Variants in DRC9 observed in about 807,000 individuals in gnomAD.
The protein encoded by DRC9 is dynein regulatory complex protein 9.
the DRC9 span, among the ~76,000 whole-genome samples, chr3:197,893,380 A>AAAG: frequency 1.3e-5 from 2 of 150,360 alleles, no homozygotes; most frequent in East Asian, 3.9e-4. Flanking sequence ...AAAAAAAAAA[A>AAAG]TAGGGGGAGG....
the DRC9 span, among the ~76,000 whole-genome samples, chr3:197,903,376 G>A: frequency 1.3e-5 from 2 of 152,296 alleles, no homozygotes; most frequent in East Asian, 3.9e-4. Context: ...GCCAGGTGTG[G>A]TGGCTCACAC....
At chr3:197,955,611 ACTG>A in the DRC9 span, 1 of 770,514 alleles carries the variant, frequency 1.3e-6, no homozygotes, top group South Asian at 1.4e-5. Flanking sequence ...TCACGTAGAG[ACTG>A]AAGGCTATAA....
chr3:197,904,110 A>ATATATTT, the DRC9 span, among the ~76,000 whole-genome samples: 206 of 80,740 alleles, frequency 2.6e-3, 7 homozygotes, highest in East Asian at 0.011. Context: ...ATATATATAT[A>ATATATTT]TTTTTTTTTT....
chr3:197,899,744 C>T, the DRC9 span, among the ~76,000 whole-genome samples: 479 of 152,066 alleles, frequency 3.1e-3, 3 homozygotes, highest in African/African-American at 9.9e-3. Flanking sequence ...CTGATAGTTC[C>T]CCCCACCACC....
the DRC9 span, chr3:197,954,520 G>GT: frequency 6.0e-4 from 200 of 331,446 alleles, no homozygotes; most frequent in Non-Finnish European, 9.9e-4. Flanking sequence ...TTTTTGTTGT[G>GT]TTTTTTTGAG....
At chr3:197,916,897 T>A in the DRC9 span, among the ~76,000 whole-genome samples, 135 of 146,962 alleles carry the variant, frequency 9.2e-4, no homozygotes, top group African/African-American at 3.3e-3. Flanking sequence ...AAAAAAAAAA[T>A]CACACAAAAA....
chr3:197,944,149 T>C, the DRC9 span: 1 of 1,071,362 alleles, frequency 9.3e-7, no homozygotes, highest in Admixed American at 2.2e-5. Flanking sequence ...TCCTGTGATA[T>C]TCACATCGTC....
At chr3:197,918,974 A>G in the DRC9 span, among the ~76,000 whole-genome samples, 2 of 152,090 alleles carry the variant, frequency 1.3e-5, no homozygotes, top group South Asian at 2.1e-4. Flanking sequence ...ACGCTGGGCT[A>G]ATTTTGTATT....
chr3:197,937,843 T>C, the DRC9 span, among the ~76,000 whole-genome samples: 1 of 152,094 alleles, frequency 6.6e-6, no homozygotes, highest in Non-Finnish European at 1.5e-5. Context: ...AGAGGCTCAC[T>C]GGAAGCCAGA....
At chr3:197,933,975 TAAA>T in the DRC9 span, among the ~76,000 whole-genome samples, 4 of 109,506 alleles carry the variant, frequency 3.7e-5, no homozygotes, top group Non-Finnish European at 3.8e-5. Context: ...CTCACCCAGC[TAAA>T]AAAAAAAAAA....
the DRC9 span, among the ~76,000 whole-genome samples, chr3:197,905,934 C>T: frequency 6.6e-6 from 1 of 151,508 alleles, no homozygotes; most frequent in Non-Finnish European, 1.5e-5. Flanking sequence ...AGAAGAAAAA[C>T]TTTTAACAAG....
the DRC9 span, chr3:197,912,977 AAC>A: frequency 1.4e-4 from 71 of 510,342 alleles, no homozygotes; most frequent in East Asian, 1.7e-3. Context: ...CCGTGAGCTG[AAC>A]AGAGGTGCCC....
chr3:197,890,404 CA>C, the DRC9 span, among the ~76,000 whole-genome samples: 340 of 123,808 alleles, frequency 2.7e-3, no homozygotes, highest in Middle Eastern at 4.5e-3. Flanking sequence ...GATGCTGTCT[CA>C]AAAAAAAAAA....
chr3:197,919,508 T>C, the DRC9 span, among the ~76,000 whole-genome samples: 24,593 of 152,174 alleles, frequency 0.16, 3,505 homozygotes, highest in African/African-American at 0.39. Flanking sequence ...GTCAGGTCCA[T>C]GGACTGATGC....
the DRC9 span, among the ~76,000 whole-genome samples, chr3:197,952,186 TTTG>T: frequency 2.1e-5 from 3 of 141,956 alleles, no homozygotes; most frequent in Admixed American, 6.9e-5. Flanking sequence ...TTTTTTTTTT[TTTG>T]GAGACGGAGT....
At chr3:197,907,507 G>GATA in the DRC9 span, among the ~76,000 whole-genome samples, 1 of 152,192 alleles carries the variant, frequency 6.6e-6, no homozygotes, top group Non-Finnish European at 1.5e-5. Context: ...TACCCTGTTG[G>GATA]ATCTAACACT....
At chr3:197,915,240 T>TTA in the DRC9 span, among the ~76,000 whole-genome samples, 3 of 129,818 alleles carry the variant, frequency 2.3e-5, no homozygotes, top group Admixed American at 8.1e-5. Flanking sequence ...AAGGGAACTC[T>TTA]AAAAAAAAAA....
At chr3:197,943,123 T>C in the DRC9 span, among the ~76,000 whole-genome samples, 6 of 152,254 alleles carry the variant, frequency 3.9e-5, no homozygotes, top group Admixed American at 3.9e-4. Context: ...ACAAAGTCAT[T>C]TTAGATTAAA....
chr3:197,951,007 T>C, the DRC9 span: 1 of 1,611,684 alleles, frequency 6.2e-7, no homozygotes, highest in South Asian at 1.1e-5. Flanking sequence ...GTTCTTTATT[T>C]TTGTGTGTTA....
Sources: gnomAD v4.1 joint callset for allele counts (sites outside exome capture counted in the v4.1 genomes callset) on GRCh38, gnomAD v4.1.1 for gene constraint, MANE v1.5 for transcripts, NCBI Gene and HGNC (gene_info 2026-07-23, HGNC 2026-07-21) for gene names.